MRTFA: variants seen among roughly 807,000 people sequenced by gnomAD.
MRTFA encodes myocardin-related transcription factor A.
In MRTFA, 20 loss-of-function variants were observed where a neutral mutation model predicts 83.5. The observed-to-expected ratio is 0.24, with a 90% CI of 0.17 to 0.35. The LOEUF (loss-of-function observed/expected upper bound fraction) is 0.35, where lower values mean the gene tolerates loss of function less well. Ranked by LOEUF, MRTFA falls within the 10% of genes least tolerant of loss-of-function variation. MRTFA has a pLI of 1.00. For synonymous variants in MRTFA, 659 were observed against 541.2 expected, an observed-to-expected ratio of 1.22 and a Z score of -3.02; for missense variants, 1,200 against 1,224.7, an observed-to-expected ratio of 0.98 and a Z score of 0.30.
chr22:40,418,728 G>C lies in MRTFA; in HGVS notation c.2010C>G (p.Pro670=), dbSNP rs1252889246. Residue 670 remains proline, a synonymous_variant, in exon 12 of 15, where the codon CCC becomes CCG. Transcript: ENST00000355630. Reference sequence around the variant, plus strand: ...TCTCCTGCTTCACGGGGGTGCCGAGGGGGGCGGGGGCGGGGGCGGGCTGCT... The same window carrying C: ...TCTCCTGCTTCACGGGGGTGCCGAGCGGGGCGGGGGCGGGGGCGGGCTGCT... The C allele has an allele frequency of 4.8e-6, 7 of 1,456,072 alleles. No individual in the cohort carries two copies. The highest frequency in any genetic ancestry group is 5.4e-6 in the Non-Finnish European group (6 of 1,106,768). 90.2% of individuals were successfully genotyped at this position (1,456,072 alleles called of 1,614,324 possible).
intron 3 of MRTFA, among the ~76,000 whole-genome samples, chr22:40,471,105 G>C (rs55839425): frequency 0.02 from 3,005 of 151,426 alleles, 87 homozygotes; most frequent in African/African-American, 0.068. Context: ...AAGGAGGCCG[G>C]GTGTGGTAGC....
intron 3 of MRTFA, among the ~76,000 whole-genome samples, chr22:40,508,970 T>C (rs1319510439): frequency 1.3e-5 from 2 of 151,826 alleles, no homozygotes; most frequent in Non-Finnish European, 2.9e-5. Context: ...CAGCAGAAAA[T>C]ACATTGCACA....
intron 1 of MRTFA, 78 bp from the exon 2 acceptor site, chr22:40,594,813 AG>A (rs1467564483): frequency 6.6e-6 from 1 of 151,108 alleles, no homozygotes; most frequent in Admixed American, 6.6e-5. Context: ...TTGGTTTCAA[AG>A]GTAAGAAGCT....
chr22:40,491,675 G>A (rs923066278), intron 3 of MRTFA, among the ~76,000 whole-genome samples: 9 of 152,112 alleles, frequency 5.9e-5, no homozygotes, highest in South Asian at 4.1e-4. Context: ...CCTTATTAAA[G>A]AAAAGTTTTT....
chr22:40,505,216 T>C (rs1251238658), intron 3 of MRTFA, among the ~76,000 whole-genome samples: 2 of 152,180 alleles, frequency 1.3e-5, no homozygotes, highest in East Asian at 3.8e-4. Context: ...AACTCAAAAT[T>C]AGCCCCTGCT....
chr22:40,498,273 ATTTT>A (rs1189933906), intron 3 of MRTFA, among the ~76,000 whole-genome samples: 36 of 40,930 alleles, frequency 8.8e-4, no homozygotes, highest in African/African-American at 2.4e-3. Flanking sequence ...ATATATATAT[ATTTT>A]TTTTTTTTTT....
intron 3 of MRTFA, among the ~76,000 whole-genome samples, chr22:40,485,265 T>A (rs1464783211): frequency 6.6e-6 from 1 of 152,166 alleles, no homozygotes; most frequent in Non-Finnish European, 1.5e-5. Flanking sequence ...AGTATTAACA[T>A]CCATCCCTAA....
intron 1 of MRTFA, among the ~76,000 whole-genome samples, chr22:40,615,087 A>G (rs932143748): frequency 2.0e-5 from 3 of 152,224 alleles, no homozygotes; most frequent in Admixed American, 1.3e-4. Context: ...TCAAAGATTT[A>G]GTCCCATGAT....
chr22:40,602,677 TA>T (rs133031), intron 1 of MRTFA, among the ~76,000 whole-genome samples: 2,436 of 128,716 alleles, frequency 0.019, 31 homozygotes, highest in Middle Eastern at 0.075. Flanking sequence ...CATCTCCACT[TA>T]AAAAAAAAAA....
rs533768787 is a variant in MRTFA at position 40,410,505 on chromosome 22, G to A, written c.*885C>T. On this transcript the variant is annotated 3_prime_UTR_variant, in exon 15 of 15. Coordinates refer to ENST00000355630, the MANE Select transcript of MRTFA (RefSeq NM_020831.6). ...AGGGCCACGCTGGCTGCAGTGAGGC[G>A]GCGGGGACGGAATGTGAGTGGGTGG... is the stretch of plus-strand genomic sequence containing the variant. The A allele has an allele frequency of 2.0e-4, 47 of 233,328 alleles. No individual in the cohort carries two copies. The highest frequency in any genetic ancestry group is 1.3e-3 in the Middle Eastern group (1 of 786). The allele number at this position is 233,328 out of a possible 1,614,324, so 14.5% of individuals were successfully genotyped here. A position where few individuals can be genotyped will look rare whatever the true frequency, so the allele number is the denominator to read the frequency against.
At chr22:40,557,034 C>G (rs186305780) in intron 2 of MRTFA, among the ~76,000 whole-genome samples, 2 of 152,294 alleles carry the variant, frequency 1.3e-5, no homozygotes, top group East Asian at 3.9e-4. Context: ...AGAGTTCAGA[C>G]CTCTCATAAG....
chr22:40,443,021 C>T (rs2053307123), intron 4 of MRTFA, among the ~76,000 whole-genome samples: 1 of 151,724 alleles, frequency 6.6e-6, no homozygotes, highest in Non-Finnish European at 1.5e-5. Context: ...AGGCCGAGGT[C>T]GGGGGGGATC....
In MRTFA at chr22:40,411,403, TC is replaced by T. The variant is rs1405866345; in HGVS notation, c.3082del (p.Asp1028IlefsTer39). 1 of 1,560,096 alleles carries T rather than the reference TC, an allele frequency of 6.4e-7. No individual in the cohort carries two copies. Among genetic ancestry groups the T allele is most frequent in the Non-Finnish European group, 8.7e-7 (1 of 1,144,848 alleles). ...TGAGCCAGAGAGCTACAAGCAGGAA[TC>T]CCAGTGCAGCTGCAAATCATGGCCA... On this transcript the variant is annotated frameshift_variant, in exon 15 of 15. Coordinates refer to ENST00000355630, the MANE Select transcript of MRTFA (RefSeq NM_020831.6). LOFTEE classifies it high-confidence loss of function.
intron 3 of MRTFA, among the ~76,000 whole-genome samples, chr22:40,542,561 A>G (rs781570682): frequency 1.3e-5 from 2 of 152,158 alleles, no homozygotes; most frequent in Admixed American, 1.3e-4. Flanking sequence ...TCACAGAATA[A>G]TTTTTCCAAC....
At chr22:40,598,260 T>C (rs1041670285) in intron 1 of MRTFA, among the ~76,000 whole-genome samples, 1 of 149,946 alleles carries the variant, frequency 6.7e-6, no homozygotes, top group Non-Finnish European at 1.5e-5. Context: ...TGAGACCATC[T>C]TATATAAAGG....
intron 4 of MRTFA, among the ~76,000 whole-genome samples, chr22:40,451,320 A>G (rs1472595756): frequency 1.3e-5 from 2 of 152,218 alleles, no homozygotes; most frequent in Non-Finnish European, 2.9e-5. Context: ...ATGTGAATCA[A>G]TGAAAGCATT....
chr22:40,589,088 A>G (rs1175917147), intron 2 of MRTFA, among the ~76,000 whole-genome samples: 1 of 152,204 alleles, frequency 6.6e-6, no homozygotes, highest in Non-Finnish European at 1.5e-5. Context: ...ATATGCAGCA[A>G]ATGTAGACAT....
chr22:40,589,240 T>C (rs1284839339), intron 2 of MRTFA, among the ~76,000 whole-genome samples: 1 of 152,174 alleles, frequency 6.6e-6, no homozygotes, highest in East Asian at 1.9e-4. Flanking sequence ...ATGAGCTACA[T>C]TTATATGTTT....
rs750387386 is a variant in MRTFA at position 40,420,542 on chromosome 22, G to T, written c.1216C>A (p.Pro406Thr). The change falls in exon 11 of 15, where the codon CCC becomes ACC. Residue 406 changes from proline (P) to threonine (T), a missense_variant. Physicochemically the swap from Pro to Thr is conservative, Grantham distance 38. Transcript: ENST00000355630. ...GTAGTGGAGAGGCTGCGTACTGGGG[G>T]GGTCCCGCTGCTTCCCAGGGCCTCG... 2.5e-6 allele frequency: 4 copies of T among 1,613,628 alleles called. No individual in the cohort carries two copies. In the East Asian group the frequency reaches 8.9e-5, roughly 36 times the overall value.
Sources: allele counts gnomAD v4.1 joint callset (sites outside exome capture counted in the v4.1 genomes callset), GRCh38; gene constraint gnomAD v4.1.1; transcripts MANE v1.5; gene names NCBI Gene and HGNC (gene_info 2026-07-23, HGNC 2026-07-21).